The following STX12 variants were observed in gnomAD, a reference collection of about 807,000 sequenced individuals.
STX12 encodes syntaxin-12.
In STX12, 17 loss-of-function variants were observed where a neutral mutation model predicts 42.2. The ratio of observed to expected loss-of-function variants is 0.40; its 90% confidence interval spans 0.28 to 0.60. The LOEUF is 0.60. STX12 is among the 20% of genes least tolerant of loss of function. STX12 has a pLI of 0.39. For missense variants in STX12, 297 were observed against 330.9 expected (o/e 0.90, Z 0.79); for synonymous variants, 108 against 116.7 (o/e 0.93, Z 0.48).
In STX12 at chr1:27,773,676, C is replaced by G. The variant is rs139016895; in HGVS notation, c.118+251C>G. ...TGCCCCCACGGTGCTGGGACCAAAA[C>G]AGCCGACTTGACAGCCCGAGGGTGG... On this transcript the variant is annotated intron_variant, in intron 1 of 8. Coordinates refer to ENST00000373943, the MANE Select transcript of STX12 (RefSeq NM_177424.3). 1.2e-3 allele frequency among the ~76,000 whole-genome samples: 188 copies of G among 152,322 alleles called. 1 individual carries two copies. The highest frequency in any genetic ancestry group is 4.3e-3 in the African/African-American group (179 of 41,580).
chr1:27,804,642 G>A (rs576663693), intron 4 of STX12, among the ~76,000 whole-genome samples: 110 of 151,108 alleles, frequency 7.3e-4, no homozygotes, highest in African/African-American at 2.4e-3. Context: ...AAACCCCATC[G>A]CTACTAAAAA....
At chr1:27,818,069 TAAAA>T (rs2088955123) in intron 7 of STX12, 146 bp downstream of exon 7, 7 of 643,504 alleles carry the variant, frequency 1.1e-5, no homozygotes, top group South Asian at 4.0e-5. Flanking sequence ...ATTTGTCTCT[TAAAA>T]AAGAAAGAAA....
At chr1:27,807,163 G>A (rs2088867322) in intron 4 of STX12, among the ~76,000 whole-genome samples, 1 of 152,014 alleles carries the variant, frequency 6.6e-6, no homozygotes, top group Admixed American at 6.5e-5. Flanking sequence ...CATGGTAAAT[G>A]GGGTGTCTAT....
chr1:27,793,662 G>A (rs1169483746), intron 3 of STX12, 30 bp downstream of exon 3: 3 of 1,583,876 alleles, frequency 1.9e-6, no homozygotes, highest in African/African-American at 1.3e-5. Context: ...TTTATTAATA[G>A]GAAAGGACTT....
intron 3 of STX12, among the ~76,000 whole-genome samples, chr1:27,799,065 T>C (rs1479082479): frequency 6.6e-6 from 1 of 152,182 alleles, no homozygotes; most frequent in Admixed American, 6.5e-5. Context: ...TAGGGAATGA[T>C]GTCCTCCCCG....
chr1:27,805,143 T>G (rs1426082676), intron 4 of STX12, among the ~76,000 whole-genome samples: 1 of 152,162 alleles, frequency 6.6e-6, no homozygotes, highest in Non-Finnish European at 1.5e-5. Flanking sequence ...ATTATTACAA[T>G]TCAAGGTGAG....
chr1:27,821,552 G>A (rs1421745235), intron 8 of STX12, among the ~76,000 whole-genome samples: 4 of 145,262 alleles, frequency 2.8e-5, no homozygotes, highest in Admixed American at 2.0e-4. Context: ...TTCTCCCTCC[G>A]CTTGCTGTAT....
Position 27,824,235 on chromosome 1 carries a change from G to GA in STX12, c.*1912dup, listed in dbSNP as rs1346006266. On this transcript the variant is annotated 3_prime_UTR_variant, in exon 9 of 9. Transcript: ENST00000373943. The stretch of plus-strand genomic sequence containing the variant: ...ACATCATTTGTAACATTGTAGGAAA[G>GA]AAAAAAGTCTTGGTTGTGAAAAACG... The GA allele has an allele frequency of 6.6e-6, 1 of 152,120 alleles. No individual in the cohort carries two copies. The highest frequency in any genetic ancestry group is 1.5e-5 in the Non-Finnish European group (1 of 68,016). 9.4% of individuals were successfully genotyped at this position (152,120 alleles called of 1,614,324 possible). A position where few individuals can be genotyped will look rare whatever the true frequency, so the allele number is the denominator to read the frequency against.
chr1:27,821,864 A>G (rs1404233557), intron 8 of STX12, among the ~76,000 whole-genome samples: 1 of 152,188 alleles, frequency 6.6e-6, no homozygotes, highest in Non-Finnish European at 1.5e-5. Context: ...CTAAAAATAC[A>G]AAAACTAGCT....
intron 6 of STX12, among the ~76,000 whole-genome samples, chr1:27,816,576 C>A (rs1353668862): frequency 1.5e-5 from 2 of 130,254 alleles, no homozygotes; most frequent in East Asian, 4.9e-4. Context: ...GAGGCCGAGG[C>A]AGGCGGATCA....
Position 27,792,277 on chromosome 1 carries a change from T to C in STX12, c.189-1256T>C, listed in dbSNP as rs542881780. ...ATGTAGATACATATATATGTATCTA[T>C]ATATATGTAGATACATATATATGTA... On this transcript the variant is annotated intron_variant, in intron 2 of 8. Transcript: ENST00000373943. 2.9e-3 allele frequency among the ~76,000 whole-genome samples: 373 copies of C among 127,912 alleles called. 10 individuals are homozygous for C. Among genetic ancestry groups the C allele is most frequent in the Middle Eastern group, 8.1e-3 (2 of 248 alleles). The allele number at this position is 127,912 out of a possible 152,430, so 83.9% of individuals were successfully genotyped here. A position where few individuals can be genotyped will look rare whatever the true frequency, so the allele number is the denominator to read the frequency against.
Position 27,812,264 on chromosome 1 carries a change from TG to T in STX12, c.574del (p.Glu192ArgfsTer16), listed in dbSNP as rs2088908204. On this transcript the variant is annotated frameshift_variant, in exon 6 of 9. Coordinates refer to ENST00000373943, the MANE Select transcript of STX12 (RefSeq NM_177424.3). LOFTEE classifies it high-confidence loss of function. ...IKERETAIRQ[L>X]EADILDVNQI... ...GAAAGAGAAACGGCAATTCGGCAGCTGGAGGTGAGAGCCACGTCATGTTTTT... is the reference window on the plus strand; with the variant it reads ...GAAAGAGAAACGGCAATTCGGCAGCTGAGGTGAGAGCCACGTCATGTTTTT... 6.4e-7 allele frequency: 1 copy of T among 1,554,560 alleles called. No homozygotes were observed. The highest frequency in any genetic ancestry group is 8.7e-7 in the Non-Finnish European group (1 of 1,148,590).
At chr1:27,791,348 G>T (rs1377872715) in intron 2 of STX12, among the ~76,000 whole-genome samples, 1 of 44 alleles carries the variant, frequency 0.023, no homozygotes, top group Non-Finnish European at 0.05. Flanking sequence ...GACTTGGCAG[G>T]AGGCCTGGAA....
Position 27,801,801 on chromosome 1 carries a change from G to A in STX12, c.412G>A (p.Gly138Arg). ...GGAGAGTATTGCCAGAGCAAGAGCT[G>A]GATCTCGTCTTTCTGTAAGTTGATT... ...EKESIARARA[G>R]SRLSAEERQR... The change falls in exon 4 of 9, where the codon GGA (glycine) becomes AGA (arginine). Residue 138 changes from glycine to arginine, a missense_variant. Coordinates refer to ENST00000373943, the MANE Select transcript of STX12 (RefSeq NM_177424.3). 1 of 1,580,796 alleles carries A rather than the reference G, an allele frequency of 6.3e-7. No individual in the cohort carries two copies.
rs1477574560 is a variant in STX12, at chr1:27,801,701, A to G, written c.312A>G (p.Glu104=). 6.4e-7 allele frequency: 1 copy of G among 1,550,610 alleles called. No homozygotes were observed. Among genetic ancestry groups the G allele is most frequent in the Admixed American group, 2.3e-5 (1 of 44,424 alleles). ...SEQRQQRLQK[E]RLMNDFSAAL... Reference sequence around the variant, plus strand: ...AGCGCCAGCAGAGACTTCAGAAGGAACGCCTCATGAATGACTTCTCTGCAG... The same window carrying G: ...AGCGCCAGCAGAGACTTCAGAAGGAGCGCCTCATGAATGACTTCTCTGCAG... Residue 104 remains glutamate (E), a synonymous_variant, in exon 4 of 9, where the codon GAA becomes GAG. Transcript: ENST00000373943.
Position 27,789,023 on chromosome 1 carries a change from T to A in STX12, c.119-539T>A, listed in dbSNP as rs577032173. The stretch of plus-strand genomic sequence containing the variant: ...GAGACTCCATCTCAAAAAAAAAAAA[T>A]AAATAAATAAAAAAGTACATCTACT... On this transcript the variant is annotated intron_variant, in intron 1 of 8. Coordinates refer to ENST00000373943, the MANE Select transcript of STX12 (RefSeq NM_177424.3). Among the ~76,000 whole-genome samples the A allele has an allele frequency of 5.6e-3, 853 of 151,198 alleles. 4 individuals are homozygous for A. The highest frequency in any genetic ancestry group is 7.4e-3 in the Admixed American group (112 of 15,168).
At position 27,819,795 on chromosome 1, in the gene STX12, T is replaced by C. The variant is rs17162817; in HGVS notation, c.732+63T>C. 6,697 of 1,413,682 alleles carry C rather than the reference T, an allele frequency of 4.7e-3. 178 individuals are homozygous for C. In the African/African-American group the frequency reaches 0.075, roughly 16 times the overall value. 87.6% of individuals were successfully genotyped at this position (1,413,682 alleles called of 1,614,324 possible). A position where few individuals can be genotyped will look rare whatever the true frequency, so the allele number is the denominator to read the frequency against. ...AGACTTTTTAGGCCATCAGAGTACA[T>C]TGACATATTGAGAACAGCTACAGCC... On this transcript the variant is annotated intron_variant, in intron 8 of 8. Coordinates refer to ENST00000373943, the MANE Select transcript of STX12 (RefSeq NM_177424.3).
intron 1 of STX12, among the ~76,000 whole-genome samples, chr1:27,782,446 T>G (rs1331495007): frequency 6.6e-6 from 1 of 152,198 alleles, no homozygotes; most frequent in Non-Finnish European, 1.5e-5. Context: ...TTGCATATTC[T>G]GAAACTGGTA....
chr1:27,791,233 C>T (rs999982937), intron 2 of STX12, among the ~76,000 whole-genome samples: 1 of 151,972 alleles, frequency 6.6e-6, no homozygotes, highest in Admixed American at 6.6e-5. Flanking sequence ...TGCACTCCAG[C>T]CTGGGTGACA....
Sources: allele counts gnomAD v4.1 joint callset (sites outside exome capture counted in the v4.1 genomes callset), GRCh38; gene constraint gnomAD v4.1.1; transcripts MANE v1.5; gene names NCBI Gene and HGNC (gene_info 2026-07-23, HGNC 2026-07-21).